Variants in TFAP2D observed in about 807,000 individuals in gnomAD.
TFAP2D encodes the protein transcription factor AP-2-delta.
Under a neutral mutation model 43.6 loss-of-function variants are expected in TFAP2D, and 9 were observed. That is an observed-to-expected ratio of 0.21 (90% CI 0.12 to 0.36). The LOEUF is 0.36. TFAP2D is among the 10% of genes least tolerant of loss of function. TFAP2D has a pLI of 1.00. For missense variants in TFAP2D, 513 were observed against 561.4 expected (o/e 0.91, Z 0.87); for synonymous variants, 256 against 224.9 (o/e 1.14, Z -1.24).
chr6:50,739,564 G>A (rs1224651814), intron 5 of TFAP2D, among the ~76,000 whole-genome samples: 1 of 152,142 alleles, frequency 6.6e-6, no homozygotes, highest in Non-Finnish European at 1.5e-5. Flanking sequence ...CAAGGGTTGA[G>A]AAAGCCTGCC....
At chr6:50,729,440 T>C (rs1415980356) in intron 5 of TFAP2D, 128 bp downstream of exon 5, 12 of 682,708 alleles carry the variant, frequency 1.8e-5, no homozygotes, top group East Asian at 2.5e-5. Flanking sequence ...TTAAGGTAAA[T>C]TTCCTAAATT....
intron 3 of TFAP2D, among the ~76,000 whole-genome samples, chr6:50,723,682 A>C (rs1185723736): frequency 1.3e-5 from 2 of 152,142 alleles, no homozygotes; most frequent in Non-Finnish European, 2.9e-5. Flanking sequence ...GATTTGTTGG[A>C]AATCTTTGTG....
intron 6 of TFAP2D, among the ~76,000 whole-genome samples, chr6:50,748,847 G>A (rs995612208): frequency 1.3e-5 from 2 of 151,742 alleles, no homozygotes; most frequent in African/African-American, 2.4e-5. Flanking sequence ...CATAGAATTT[G>A]GATTTCAGAC....
At chr6:50,741,762 G>C (rs1446846278) in intron 5 of TFAP2D, among the ~76,000 whole-genome samples, 1 of 149,190 alleles carries the variant, frequency 6.7e-6, no homozygotes. Context: ...GCTTAAAGTA[G>C]CTCTGAAAAA....
Position 50,738,137 on chromosome 6 carries a change from C to G in TFAP2D, c.884-6970C>G, listed in dbSNP as rs1449020757. On this transcript the variant is annotated intron_variant, in intron 5 of 7. Transcript: ENST00000008391. Reference sequence around the variant, plus strand: ...TGCTTATTTGATTGACTAAAAAAACCCTCTATTATGAAGGAGATTCAGAAT... The same window carrying G: ...TGCTTATTTGATTGACTAAAAAAACGCTCTATTATGAAGGAGATTCAGAAT... Among the ~76,000 whole-genome samples the G allele has an allele frequency of 4.6e-5, 7 of 151,922 alleles. No homozygotes were observed. In the East Asian group the frequency reaches 1.4e-3, roughly 29 times the overall value.
intron 7 of TFAP2D, among the ~76,000 whole-genome samples, chr6:50,758,885 T>A (rs1470867616): frequency 1.3e-5 from 2 of 151,964 alleles, no homozygotes; most frequent in African/African-American, 4.8e-5. Context: ...TAAAACTGGA[T>A]TTTTACAAGG....
At position 50,715,599 on chromosome 6, in the gene TFAP2D, G is replaced by A. The variant is rs765913790; in HGVS notation, c.523G>A (p.Ala175Thr). The A allele has an allele frequency of 9.4e-6, 15 of 1,595,556 alleles. No individual in the cohort carries two copies. Among genetic ancestry groups the A allele is most frequent in the African/African-American group, 1.3e-5 (1 of 74,582 alleles). ...GPSLGLAAAG[A>T]DDLQGSVEAQ... ...CAGCCTGGGGCTGGCCGCCGCGGGAGCAGACGACTTGCAGGTAAATAAGCA... is the reference window on the plus strand; with the variant it reads ...CAGCCTGGGGCTGGCCGCCGCGGGAACAGACGACTTGCAGGTAAATAAGCA... The change falls in exon 2 of 8, where the codon GCA becomes ACA. Residue 175 changes from alanine (A) to threonine (T), a missense_variant. Ala to Thr is a moderately conservative substitution (Grantham distance 58, BLOSUM62 0). Coordinates refer to ENST00000008391, the MANE Select transcript of TFAP2D (RefSeq NM_172238.4).
In TFAP2D at chr6:50,742,583, TAGA is replaced by T. The variant is rs1426548372; in HGVS notation, c.884-2523_884-2521del. Among the ~76,000 whole-genome samples the T allele has an allele frequency of 2.6e-3, 311 of 118,532 alleles. 2 individuals carry two copies. Among genetic ancestry groups the T allele is most frequent in the African/African-American group, 8.2e-3 (299 of 36,580 alleles). The allele number at this position is 118,532 out of a possible 152,430, so 77.8% of individuals were successfully genotyped here. A position where few individuals can be genotyped will look rare whatever the true frequency, so the allele number is the denominator to read the frequency against. On this transcript the variant is annotated intron_variant, in intron 5 of 7. Coordinates refer to ENST00000008391, the MANE Select transcript of TFAP2D (RefSeq NM_172238.4). Reference sequence around the variant, plus strand: ...ACATAGACAGACACACATAGATAGATAGATAGATAGATAGATAGATAGATAGAT... The same window carrying T: ...ACATAGACAGACACACATAGATAGATTAGATAGATAGATAGATAGATAGAT...
intron 7 of TFAP2D, among the ~76,000 whole-genome samples, chr6:50,760,542 A>G (rs995815334): frequency 6.6e-6 from 1 of 152,072 alleles, no homozygotes; most frequent in Non-Finnish European, 1.5e-5. Context: ...TAATGAGTTG[A>G]TGTCAATGAT....
At chr6:50,749,594 C>T (rs1339721403) in intron 6 of TFAP2D, among the ~76,000 whole-genome samples, 3 of 151,764 alleles carry the variant, frequency 2.0e-5, no homozygotes, top group Admixed American at 6.6e-5. Flanking sequence ...ACAAAGACAA[C>T]AAATCTATAT....
intron 5 of TFAP2D, among the ~76,000 whole-genome samples, chr6:50,738,125 G>C (rs1561935795): frequency 6.6e-6 from 1 of 151,922 alleles, no homozygotes; most frequent in Non-Finnish European, 1.5e-5. Flanking sequence ...TTATTTGATT[G>C]ACTAAAAAAA....
chr6:50,771,390 C>T (rs1454710173), intron 7 of TFAP2D, among the ~76,000 whole-genome samples: 1 of 152,184 alleles, frequency 6.6e-6, no homozygotes, highest in African/African-American at 2.4e-5. Flanking sequence ...GTCCAAAACT[C>T]ACTGCAAAAG....
chr6:50,724,512 T>G (rs1200593766), intron 3 of TFAP2D, among the ~76,000 whole-genome samples: 1 of 152,066 alleles, frequency 6.6e-6, no homozygotes, highest in Non-Finnish European at 1.5e-5. Flanking sequence ...GGAAGCCCGC[T>G]AGGAAGTATT....
chr6:50,765,290 A>G (rs189202003), intron 7 of TFAP2D, among the ~76,000 whole-genome samples: 1 of 152,334 alleles, frequency 6.6e-6, no homozygotes, highest in East Asian at 1.9e-4. Context: ...AATTTTATAT[A>G]CATCTTGACT....
chr6:50,752,230 A>G (rs979948643), intron 7 of TFAP2D, among the ~76,000 whole-genome samples: 1 of 151,994 alleles, frequency 6.6e-6, no homozygotes, highest in Non-Finnish European at 1.5e-5. Flanking sequence ...ATAAAATTTA[A>G]AAAAGAAATG....
intron 7 of TFAP2D, among the ~76,000 whole-genome samples, chr6:50,763,746 A>C (rs1232755027): frequency 6.6e-6 from 1 of 152,206 alleles, no homozygotes; most frequent in Non-Finnish European, 1.5e-5. Context: ...GAAAGAAGCC[A>C]GTCATGAAAG....
chr6:50,715,579 TG>T lies in TFAP2D; in HGVS notation c.507del (p.Leu170TrpfsTer27). ...CAAAGACTCCTGCCAGGGCCCAGCC[TG>T]GGGCTGGCCGCCGCGGGAGCAGACG... ...PDQRLLPGPS[L>X]GLAAAGADDL... On this transcript the variant is annotated frameshift_variant, in exon 2 of 8. Transcript: ENST00000008391. LOFTEE classifies it high-confidence loss of function. 1 of 1,600,986 alleles carries T rather than the reference TG, an allele frequency of 6.2e-7. No individual in the cohort carries two copies. Among genetic ancestry groups the T allele is most frequent in the Non-Finnish European group, 8.5e-7 (1 of 1,172,808 alleles).
chr6:50,730,757 C>T (rs1218310137), intron 5 of TFAP2D, among the ~76,000 whole-genome samples: 1 of 152,058 alleles, frequency 6.6e-6, no homozygotes, highest in African/African-American at 2.4e-5. Context: ...CCCAAATCAA[C>T]TGAAACTCAT....
At chr6:50,738,471 A>T (rs1768993014) in intron 5 of TFAP2D, among the ~76,000 whole-genome samples, 1 of 152,130 alleles carries the variant, frequency 6.6e-6, no homozygotes, top group Non-Finnish European at 1.5e-5. Context: ...TAATTCCAAG[A>T]TCATAAAAAA....
Sources: gnomAD v4.1 joint callset for allele counts (sites outside exome capture counted in the v4.1 genomes callset) on GRCh38, gnomAD v4.1.1 for gene constraint, MANE v1.5 for transcripts, NCBI Gene and HGNC (gene_info 2026-07-23, HGNC 2026-07-21) for gene names.